The following SSBP2 variants were observed in gnomAD, a reference collection of about 807,000 sequenced individuals.
The protein encoded by SSBP2 is single stranded DNA binding protein 2.
SSBP2 carries 17 observed loss-of-function variants against 61.8 expected under a neutral mutation model. The ratio of observed to expected loss-of-function variants is 0.28; its 90% CI spans 0.19 to 0.41. The LOEUF (loss-of-function observed/expected upper bound fraction) is 0.41, where lower values mean the gene tolerates loss of function less well. SSBP2 is among the 10% of genes least tolerant of loss of function. SSBP2 has a pLI of 1.00. For synonymous variants in SSBP2, 139 were observed against 141.3 expected (o/e 0.98, Z 0.12); for missense variants, 310 against 458.7 (o/e 0.68, Z 2.96).
At chr5:81,464,131 C>A (rs1197304391) in intron 9 of SSBP2, among the ~76,000 whole-genome samples, 1 of 152,212 alleles carries the variant, frequency 6.6e-6, no homozygotes, top group East Asian at 1.9e-4. Flanking sequence ...ACTACACAAA[C>A]TTCATAATTC....
chr5:81,480,238 C>T (rs992973141), intron 6 of SSBP2, among the ~76,000 whole-genome samples: 3 of 152,152 alleles, frequency 2.0e-5, no homozygotes, highest in Non-Finnish European at 4.4e-5. Context: ...GCAAGACTCG[C>T]TATGCACTTA....
intron 3 of SSBP2, among the ~76,000 whole-genome samples, chr5:81,635,580 A>ATTT (rs35464950): frequency 1.2e-4 from 16 of 130,862 alleles, no homozygotes; most frequent in African/African-American, 2.4e-4. Flanking sequence ...GTAGAAAGCA[A>ATTT]TTTTTTTTTT....
chr5:81,588,444 A>G (rs1359163678), intron 4 of SSBP2, among the ~76,000 whole-genome samples: 2 of 152,220 alleles, frequency 1.3e-5, no homozygotes, highest in East Asian at 3.9e-4. Context: ...ATTTTAAAGC[A>G]TATGTTCTTG....
intron 1 of SSBP2, among the ~76,000 whole-genome samples, chr5:81,735,842 CATTTCT>C (rs1756567037): frequency 1.3e-5 from 2 of 152,200 alleles, no homozygotes; most frequent in East Asian, 3.9e-4. Context: ...CATACTTTAT[CATTTCT>C]ATATGTGCAT....
intron 4 of SSBP2, among the ~76,000 whole-genome samples, chr5:81,564,613 T>C (rs1170981214): frequency 6.6e-6 from 1 of 152,222 alleles, no homozygotes; most frequent in Non-Finnish European, 1.5e-5. Context: ...ATCTCAGGAC[T>C]GTGAACCAAG....
At chr5:81,439,471 G>A (rs1204045044) in intron 14 of SSBP2, among the ~76,000 whole-genome samples, 1 of 150,938 alleles carries the variant, frequency 6.6e-6, no homozygotes, top group Non-Finnish European at 1.5e-5. Flanking sequence ...GCTTCATATG[G>A]TAAGAAGGCA....
At chr5:81,432,935 G>A (rs1439828340) in intron 15 of SSBP2, among the ~76,000 whole-genome samples, 5 of 143,624 alleles carry the variant, frequency 3.5e-5, no homozygotes, top group Non-Finnish European at 7.6e-5. Context: ...AGGGAGGTGG[G>A]GGGGGTCAGC....
intron 4 of SSBP2, among the ~76,000 whole-genome samples, chr5:81,611,151 T>G (rs1745402314): frequency 6.6e-6 from 1 of 152,220 alleles, no homozygotes; most frequent in East Asian, 1.9e-4. Flanking sequence ...CTTGAAATTG[T>G]GAGGCTTTTA....
At chr5:81,526,225 T>C (rs1769924612) in intron 4 of SSBP2, among the ~76,000 whole-genome samples, 1 of 152,080 alleles carries the variant, frequency 6.6e-6, no homozygotes, top group Non-Finnish European at 1.5e-5. Context: ...AATTCAGTTT[T>C]TTTCCCTTAA....
chr5:81,625,659 C>T (rs1747069549), intron 3 of SSBP2, among the ~76,000 whole-genome samples: 1 of 151,990 alleles, frequency 6.6e-6, no homozygotes, highest in Non-Finnish European at 1.5e-5. Flanking sequence ...TACGGCATTC[C>T]CAAGTTGAAG....
intron 1 of SSBP2, among the ~76,000 whole-genome samples, chr5:81,688,595 A>C (rs1172027977): frequency 6.6e-6 from 1 of 152,184 alleles, no homozygotes; most frequent in African/African-American, 2.4e-5. Context: ...GAAGAAAGTA[A>C]AGAAAAAGAA....
intron 4 of SSBP2, among the ~76,000 whole-genome samples, chr5:81,598,020 AAATAAT>A (rs778079537): frequency 9.2e-5 from 14 of 151,538 alleles, no homozygotes; most frequent in African/African-American, 3.4e-4. Context: ...TAAAATTAAA[AAATAAT>A]AATAATAAAA....
rs115652774 is a variant in SSBP2 at position 81,605,540 on chromosome 5, G to A, written c.282+9933C>T. The stretch of plus-strand genomic sequence containing the variant: ...TGCACCAGACAGGGGCTAAAAACCC[G>A]TAAGAACTATACATATGTTTGAATT... On this transcript the variant is annotated intron_variant, in intron 4 of 16. Coordinates refer to ENST00000320672, the MANE Select transcript of SSBP2 (RefSeq NM_012446.5). Among the ~76,000 whole-genome samples the A allele has an allele frequency of 5.0e-3, 753 of 152,076 alleles. 6 individuals carry two copies. Among genetic ancestry groups the A allele is most frequent in the African/African-American group, 0.017 (693 of 41,474 alleles).
chr5:81,478,194 C>T (rs1309277566), intron 6 of SSBP2, among the ~76,000 whole-genome samples: 1 of 152,050 alleles, frequency 6.6e-6, no homozygotes, highest in Non-Finnish European at 1.5e-5. Flanking sequence ...AAAGGTCTCC[C>T]TCAGCTGCCC....
chr5:81,560,502 C>T (rs920070200), intron 4 of SSBP2, among the ~76,000 whole-genome samples: 1 of 151,934 alleles, frequency 6.6e-6, no homozygotes, highest in African/African-American at 2.4e-5. Context: ...TAGCAAGGTA[C>T]ATAGCAGAAG....
rs1209074274 is a variant in SSBP2 at position 81,414,799 on chromosome 5, G to T, written c.*5705C>A. Reference sequence around the variant, plus strand: ...TTTCCATCCCAAATAACTTTCATCAGCTGTTTTACCACTGAAATGAAAAGT... The same window carrying T: ...TTTCCATCCCAAATAACTTTCATCATCTGTTTTACCACTGAAATGAAAAGT... On this transcript the variant is annotated 3_prime_UTR_variant, in exon 17 of 17. Coordinates refer to ENST00000320672, the MANE Select transcript of SSBP2 (RefSeq NM_012446.5). The T allele has an allele frequency of 6.6e-6, 1 of 152,086 alleles. No individual in the cohort carries two copies. Among genetic ancestry groups the T allele is most frequent in the Non-Finnish European group, 1.5e-5 (1 of 68,002 alleles). The allele number at this position is 152,086 out of a possible 1,614,324, so 9.4% of individuals were successfully genotyped here.
At chr5:81,670,931 C>G (rs1751538168) in intron 1 of SSBP2, among the ~76,000 whole-genome samples, 1 of 152,174 alleles carries the variant, frequency 6.6e-6, no homozygotes, top group South Asian at 2.1e-4. Flanking sequence ...CATTAATATT[C>G]ACCATTAAGT....
At chr5:81,622,974 T>C (rs1746756738) in intron 3 of SSBP2, among the ~76,000 whole-genome samples, 1 of 152,218 alleles carries the variant, frequency 6.6e-6, no homozygotes, top group African/African-American at 2.4e-5. Context: ...ATAATTTAAA[T>C]AAATTTCAAT....
chr5:81,483,764 TACAC>T (rs531570279), intron 6 of SSBP2, among the ~76,000 whole-genome samples: 8 of 149,232 alleles, frequency 5.4e-5, no homozygotes, highest in Admixed American at 2.0e-4. Context: ...CATATATATA[TACAC>T]ACACACACAC....
Sources: gnomAD v4.1 joint callset for allele counts (sites outside exome capture counted in the v4.1 genomes callset) on GRCh38, gnomAD v4.1.1 for gene constraint, MANE v1.5 for transcripts, NCBI Gene and HGNC (gene_info 2026-07-23, HGNC 2026-07-21) for gene names.